Variants in DUSP22 observed in about 807,000 individuals in gnomAD.
DUSP22 encodes dual specificity phosphatase 22, also known as dual specificity protein phosphatase 22.
In DUSP22, 24 loss-of-function variants were observed where a neutral mutation model predicts 24.5. The observed-to-expected ratio is 0.98, with a 90% CI of 0.71 to 1.38. The LOEUF (loss-of-function observed/expected upper bound fraction) is 1.38, where lower values mean the gene tolerates loss of function less well. Among genes scored for constraint, DUSP22 ranks in the 40% most tolerant of loss-of-function variants. The pLI is 0.00. For synonymous variants in DUSP22, 160 were observed against 106.4 expected (o/e 1.50, Z -3.10); for missense variants, 330 against 269.2 (o/e 1.23, Z -1.58).
chr6:300,022 A>G (rs1416923116), intron 1 of DUSP22, among the ~76,000 whole-genome samples: 1 of 152,310 alleles, frequency 6.6e-6, no homozygotes, highest in Non-Finnish European at 1.5e-5. Flanking sequence ...TCAAAAATAT[A>G]TTTACAAAGA....
At chr6:335,401 C>G (rs752104667) in intron 4 of DUSP22, among the ~76,000 whole-genome samples, 22 of 152,294 alleles carry the variant, frequency 1.4e-4, no homozygotes, top group Non-Finnish European at 2.5e-4. Flanking sequence ...CATGGGCTGT[C>G]CACAAGAAGG....
rs575885680 is a variant in DUSP22, at chr6:345,008, A to G, written c.189-846A>G. On this transcript the variant is annotated intron_variant, in intron 4 of 6. Coordinates refer to ENST00000419235, the MANE Select transcript of DUSP22 (RefSeq NM_001286555.3). ...GGGGGCGCCGTCCAGAACTTCCCTC[A>G]ACCCCAGTCTGTGGTAACTATGTGT... 1.0e-4 allele frequency among the ~76,000 whole-genome samples: 16 copies of G among 152,412 alleles called. No individual in the cohort carries two copies. The East Asian group carries it at 2.9e-3, about 28-fold the overall frequency.
At position 350,822 on chromosome 6, in the gene DUSP22, C is replaced by G. The variant is rs534105865; in HGVS notation, c.*1871C>G. ...TGCCAGTAATGTTCTTTCTTCACAG[C>G]CGCTCCGGGAATTCTGAAGTTCTGG... On this transcript the variant is annotated 3_prime_UTR_variant, in exon 7 of 7. Coordinates refer to ENST00000419235, the MANE Select transcript of DUSP22 (RefSeq NM_001286555.3). The G allele has an allele frequency of 9.0e-5, 146 of 1,614,186 alleles. No individual in the cohort carries two copies. The East Asian group carries it at 3.0e-3, about 33-fold the overall frequency.
intron 3 of DUSP22, among the ~76,000 whole-genome samples, chr6:312,301 CA>C (rs1330409705): frequency 1.3e-3 from 198 of 152,342 alleles, no homozygotes; most frequent in Admixed American, 3.5e-3. Flanking sequence ...TTTTAAAATC[CA>C]AAAAACTTCA....
rs553524029 is a variant in DUSP22, at chr6:327,854, A to G, written c.139-7260A>G. ...GCACAGAACATGTGGGGAGACTAACAGCAGCCCAGGGTTGCTGGAGTTTGA... is the reference window on the plus strand; with the variant it reads ...GCACAGAACATGTGGGGAGACTAACGGCAGCCCAGGGTTGCTGGAGTTTGA... On this transcript the variant is annotated intron_variant, in intron 3 of 6. Transcript: ENST00000419235. Among the ~76,000 whole-genome samples the G allele has an allele frequency of 3.3e-5, 5 of 152,426 alleles. No homozygotes were observed. The East Asian group carries it at 9.6e-4, about 29-fold the overall frequency.
chr6:327,463 C>T (rs1167300786), intron 3 of DUSP22, among the ~76,000 whole-genome samples: 1 of 152,308 alleles, frequency 6.6e-6, no homozygotes, highest in East Asian at 1.9e-4. Flanking sequence ...TCTGAAATGG[C>T]ATGTCCCTCC....
chr6:321,090 G>T (rs1287085088), intron 3 of DUSP22, among the ~76,000 whole-genome samples: 1 of 152,310 alleles, frequency 6.6e-6, no homozygotes, highest in East Asian at 1.9e-4. Context: ...TGAAAATCTG[G>T]TGTGGTCCTA....
chr6:346,681 T>C (rs559983730), intron 5 of DUSP22, among the ~76,000 whole-genome samples: 81 of 152,398 alleles, frequency 5.3e-4, no homozygotes, highest in African/African-American at 1.9e-3. Context: ...ATGTCCCCTC[T>C]CTGTCTTGAA....
rs1292717440 is a variant in DUSP22, at chr6:306,742, G to A, written c.55+2081G>A. On this transcript the variant is annotated intron_variant, in intron 2 of 6. Transcript: ENST00000419235. Reference sequence around the variant, plus strand: ...CACTTGTTCATTGCACAAGCTTATCGGGAACACACGATGTGCTGGGAGTTG... The same window carrying A: ...CACTTGTTCATTGCACAAGCTTATCAGGAACACACGATGTGCTGGGAGTTG... 7.9e-5 allele frequency among the ~76,000 whole-genome samples: 12 copies of A among 152,422 alleles called. No individual in the cohort carries two copies. The East Asian group carries it at 1.5e-3, about 20-fold the overall frequency.
intron 3 of DUSP22, among the ~76,000 whole-genome samples, chr6:317,589 C>G (rs1057143937): frequency 1.3e-5 from 2 of 152,308 alleles, no homozygotes; most frequent in Non-Finnish European, 2.9e-5. Flanking sequence ...TTTGTACTCT[C>G]AGTTGGGCCA....
Position 350,503 on chromosome 6 carries a change from T to C in DUSP22, c.*1552T>C. 4 of 1,278,644 alleles carry C rather than the reference T, an allele frequency of 3.1e-6. No individual in the cohort carries two copies. Among genetic ancestry groups the C allele is most frequent in the East Asian group, 3.9e-5 (1 of 25,638 alleles). 79.2% of individuals were successfully genotyped at this position (1,278,644 alleles called of 1,614,324 possible). On this transcript the variant is annotated 3_prime_UTR_variant, in exon 7 of 7. Coordinates refer to ENST00000419235, the MANE Select transcript of DUSP22 (RefSeq NM_001286555.3). ...AAGAAGAGCAGTTTTCCTGTGCATA[T>C]AGAGGGTGTGTCAAAGGTGAGCTTT...
At chr6:329,349 C>T (rs1195388521) in intron 3 of DUSP22, among the ~76,000 whole-genome samples, 2 of 152,424 alleles carry the variant, frequency 1.3e-5, no homozygotes, top group African/African-American at 4.8e-5. Flanking sequence ...CAGAGTTTTA[C>T]TTTAGGAGAA....
chr6:340,714 G>T (rs1204209885), intron 4 of DUSP22, among the ~76,000 whole-genome samples: 1 of 152,302 alleles, frequency 6.6e-6, no homozygotes, highest in African/African-American at 2.4e-5. Context: ...GTTATAGCGT[G>T]GTCTGGTACC....
At chr6:340,898 A>T (rs1008652934) in intron 4 of DUSP22, among the ~76,000 whole-genome samples, 2 of 152,304 alleles carry the variant, frequency 1.3e-5, no homozygotes, top group Non-Finnish European at 2.9e-5. Context: ...GTTCAGCCTC[A>T]AAAGTGAACA....
chr6:350,987 A>G lies in DUSP22; in HGVS notation c.*2036A>G. Reference sequence around the variant, plus strand: ...GATTTGTAAACTTGTTTTTCATTTGAAGCTGAATATATACGTAGTCATGTT... The same window carrying G: ...GATTTGTAAACTTGTTTTTCATTTGGAGCTGAATATATACGTAGTCATGTT... On this transcript the variant is annotated 3_prime_UTR_variant, in exon 7 of 7. Transcript: ENST00000419235. The G allele has an allele frequency of 1.4e-6, 2 of 1,386,758 alleles. No homozygotes were observed. The highest frequency in any genetic ancestry group is 2.0e-6 in the Non-Finnish European group (2 of 983,926). 85.9% of individuals were successfully genotyped at this position (1,386,758 alleles called of 1,614,324 possible).
intron 3 of DUSP22, among the ~76,000 whole-genome samples, chr6:322,778 G>A (rs945374825): frequency 1.3e-5 from 2 of 151,034 alleles, no homozygotes; most frequent in South Asian, 2.1e-4. Flanking sequence ...TGGTGGTGGT[G>A]ATGGAAGAGG....
chr6:328,315 G>A (rs1300489676), intron 3 of DUSP22, among the ~76,000 whole-genome samples: 1 of 152,300 alleles, frequency 6.6e-6, no homozygotes, highest in African/African-American at 2.4e-5. Context: ...GAGCTAGAGT[G>A]AATCTCCCTC....
chr6:294,258 T>G (rs113645837), intron 1 of DUSP22, among the ~76,000 whole-genome samples: 1,055 of 152,038 alleles, frequency 6.9e-3, no homozygotes, highest in African/African-American at 0.024. Flanking sequence ...AGTGTATCAA[T>G]GAAGAAATAC....
intron 4 of DUSP22, among the ~76,000 whole-genome samples, chr6:340,602 T>C (rs1191943190): frequency 6.6e-6 from 1 of 152,310 alleles, no homozygotes; most frequent in Non-Finnish European, 1.5e-5. Flanking sequence ...TATATAAGGA[T>C]GCTTGCCTTT....
Sources: allele counts gnomAD v4.1 joint callset (sites outside exome capture counted in the v4.1 genomes callset), GRCh38; gene constraint gnomAD v4.1.1; transcripts MANE v1.5; gene names NCBI Gene and HGNC (gene_info 2026-07-23, HGNC 2026-07-21).